Variants in TLE2 observed in about 807,000 individuals in gnomAD.
TLE2 encodes transducin-like enhancer protein 2.
A neutral mutation model predicts 97.2 loss-of-function variants in TLE2; 74 were observed. The ratio of observed to expected loss-of-function variants is 0.76; its 90% CI spans 0.63 to 0.92. TLE2 has a LOEUF of 0.92. Among genes scored for constraint, TLE2 ranks in the 40% least tolerant of loss-of-function variants. TLE2 has a pLI of 0.00. For synonymous variants in TLE2, 499 were observed against 432.1 expected (o/e 1.15, Z -1.92); for missense variants, 1,038 against 1,008.7 (o/e 1.03, Z -0.39).
chr19:3,021,101 A>C (rs1195027282), intron 5 of TLE2, among the ~76,000 whole-genome samples: 1 of 121,404 alleles, frequency 8.2e-6, no homozygotes, highest in African/African-American at 3.0e-5. Context: ...AAAAAAAAAA[A>C]AAAAAAAAAA....
intron 1 of TLE2, among the ~76,000 whole-genome samples, chr19:3,037,429 G>A (rs542218621): frequency 6.6e-6 from 1 of 152,364 alleles, no homozygotes; most frequent in African/African-American, 2.4e-5. Context: ...GAAAGATGGG[G>A]CAGCCTTAAG....
intron 1 of TLE2, among the ~76,000 whole-genome samples, chr19:3,034,359 T>C (rs559601468): frequency 1.3e-3 from 197 of 151,718 alleles, no homozygotes; most frequent in Non-Finnish European, 1.4e-3. Flanking sequence ...CCTGGCTCCC[T>C]ATTGCCCTAG....
chr19:3,041,014 T>TATATACATATATATATATATATA (rs55998855), intron 1 of TLE2, among the ~76,000 whole-genome samples: 4 of 20,168 alleles, frequency 2.0e-4, no homozygotes, highest in African/African-American at 8.4e-4. Flanking sequence ...TATATATATA[T>TATATACATATATATATATATATA]TTTTTTTTTT....
chr19:3,035,786 G>C (rs1352219072), intron 1 of TLE2, among the ~76,000 whole-genome samples: 1 of 152,226 alleles, frequency 6.6e-6, no homozygotes, highest in African/African-American at 2.4e-5. Context: ...CCAATCGGAA[G>C]GCAGCTCGGC....
In TLE2 at chr19:2,997,752, C is replaced by G. The variant is rs977612938; in HGVS notation, c.*96G>C. 4.5e-6 allele frequency: 4 copies of G among 879,448 alleles called. No homozygotes were observed. Among genetic ancestry groups the G allele is most frequent in the Non-Finnish European group, 7.4e-6 (4 of 542,664 alleles). The allele number at this position is 879,448 out of a possible 1,614,324, so 54.5% of individuals were successfully genotyped here. On this transcript the variant is annotated 3_prime_UTR_variant, in exon 20 of 20. Coordinates refer to ENST00000262953, the MANE Select transcript of TLE2 (RefSeq NM_003260.5). ...CAGAGAGCAGATGGGATGTACGGTT[C>G]CTAGGCAGGGCTGGGAGGCGGCTGC... is the stretch of plus-strand genomic sequence containing the variant.
rs955424754 is a variant in TLE2, at chr19:3,014,485, A to C, written c.723+85T>G. On this transcript the variant is annotated intron_variant, in intron 10 of 19. Transcript: ENST00000262953. ...CACAGAGCGGGGAACCAGGATCCCC[A>C]CTACCTCTGGGTCCTCCCAGTCCAG... The C allele has an allele frequency of 2.3e-6, 3 of 1,284,694 alleles. No homozygotes were observed. The Admixed American group carries it at 9.3e-5, about 40-fold the overall frequency. The allele number at this position is 1,284,694 out of a possible 1,614,324, so 79.6% of individuals were successfully genotyped here. A position where few individuals can be genotyped will look rare whatever the true frequency, so the allele number is the denominator to read the frequency against.
At chr19:3,004,273 C>T (rs1339718917) in intron 17 of TLE2, among the ~76,000 whole-genome samples, 13 of 152,140 alleles carry the variant, frequency 8.5e-5, no homozygotes. Flanking sequence ...CTTAGCCCAC[C>T]TAAGCTTCGG....
chr19:3,007,360 G>T (rs1479029421), intron 14 of TLE2, among the ~76,000 whole-genome samples: 1 of 150,538 alleles, frequency 6.6e-6, no homozygotes, highest in Non-Finnish European at 1.5e-5. Flanking sequence ...AAAATGCTGG[G>T]ATTACAGGCA....
At chr19:3,034,846 G>C (rs2090050738) in intron 1 of TLE2, among the ~76,000 whole-genome samples, 1 of 152,130 alleles carries the variant, frequency 6.6e-6, no homozygotes, top group Non-Finnish European at 1.5e-5. Flanking sequence ...AGAGCATCTG[G>C]TGGGGACAGA....
intron 5 of TLE2, among the ~76,000 whole-genome samples, chr19:3,023,063 T>C (rs2089876903): frequency 6.6e-6 from 1 of 151,914 alleles, no homozygotes; most frequent in Non-Finnish European, 1.5e-5. Context: ...AATCTTTTTT[T>C]TTTTTTTTTG....
chr19:3,042,046 G>A (rs1247853972), intron 1 of TLE2, among the ~76,000 whole-genome samples: 2 of 151,758 alleles, frequency 1.3e-5, no homozygotes, highest in Non-Finnish European at 2.9e-5. Context: ...TCCCCGACAG[G>A]CCCGGGCAGG....
At chr19:3,046,403 C>T (rs77511596), upstream of TLE2, among the ~76,000 whole-genome samples, 381 of 152,328 alleles carry the variant, frequency 2.5e-3, 2 homozygotes, top group African/African-American at 8.1e-3. Flanking sequence ...TCCTATTCCC[C>T]GCTCCTTTTC....
upstream of TLE2, among the ~76,000 whole-genome samples, chr19:3,031,076 G>A (rs142867678): frequency 2.7e-3 from 405 of 152,248 alleles, 2 homozygotes; most frequent in Admixed American, 4.4e-3. Context: ...GTGGATAAGG[G>A]AGACAGATCC....
intron 1 of TLE2, among the ~76,000 whole-genome samples, chr19:3,044,586 A>G (rs1437986896): frequency 1.3e-5 from 2 of 151,976 alleles, no homozygotes; most frequent in Non-Finnish European, 2.9e-5. Context: ...CGCCCGGCTA[A>G]TTTTTGTCTT....
At chr19:3,033,410 G>A (rs566653522), upstream of TLE2, among the ~76,000 whole-genome samples, 95 of 151,676 alleles carry the variant, frequency 6.3e-4, no homozygotes, top group African/African-American at 2.0e-3. Flanking sequence ...CTCGTGATCC[G>A]CCCGCCTCAG....
intron 1 of TLE2, among the ~76,000 whole-genome samples, chr19:3,037,558 C>T (rs2090071526): frequency 6.6e-6 from 1 of 152,118 alleles, no homozygotes; most frequent in Non-Finnish European, 1.5e-5. Flanking sequence ...GTTAGAAGGC[C>T]CCTGTGCCTA....
chr19:3,033,370 T>C (rs1048929937), upstream of TLE2, among the ~76,000 whole-genome samples: 7 of 152,108 alleles, frequency 4.6e-5, no homozygotes, highest in Non-Finnish European at 8.8e-5. Context: ...GGTTTCACCA[T>C]GTTAGTCAGG....
rs1599234039 is a variant in TLE2 at position 3,021,579 on chromosome 19, T to C, written c.295-1806A>G. Among the ~76,000 whole-genome samples, 4 of 152,146 alleles carry C rather than the reference T, an allele frequency of 2.6e-5. No homozygotes were observed. In the South Asian group the frequency reaches 8.3e-4, roughly 32 times the overall value. On this transcript the variant is annotated intron_variant, in intron 5 of 19. Transcript: ENST00000262953. ...TAAATATAAAATAAATTTAATAGGC[T>C]TATTTTTATTTTTACTTTTTTGAGA...
intron 19 of TLE2, among the ~76,000 whole-genome samples, chr19:2,998,237 A>ATGTGTGG (rs2089263049): frequency 1.6e-5 from 2 of 121,406 alleles, no homozygotes; most frequent in African/African-American, 7.1e-5. Context: ...CGCCCGGCCA[A>ATGTGTGG]TGTGTGTGTG....
Sources: gnomAD v4.1 joint callset for allele counts (sites outside exome capture counted in the v4.1 genomes callset) on GRCh38, gnomAD v4.1.1 for gene constraint, MANE v1.5 for transcripts, NCBI Gene and HGNC (gene_info 2026-07-23, HGNC 2026-07-21) for gene names.